The following RASAL2 variants were observed in gnomAD, a reference collection of about 807,000 sequenced individuals.
The protein encoded by RASAL2 is RAS protein activator like 2.
RASAL2 carries 58 observed loss-of-function variants against 128.9 expected under a neutral mutation model. That is an observed-to-expected ratio of 0.45 (90% CI 0.36 to 0.56). RASAL2 has a LOEUF of 0.56. Among genes scored for constraint, RASAL2 ranks in the 20% least tolerant of loss-of-function variants. The pLI, the probability that RASAL2 is intolerant of heterozygous loss-of-function variation, is 0.00. For synonymous variants in RASAL2, 561 were observed against 580.8 expected, an observed-to-expected ratio of 0.97 and a Z score of 0.49; for missense variants, 1,360 against 1,601.6, an observed-to-expected ratio of 0.85 and a Z score of 2.57.
intron 4 of RASAL2, among the ~76,000 whole-genome samples, chr1:178,396,619 A>T (rs529284936): frequency 6.6e-6 from 1 of 152,272 alleles, no homozygotes; most frequent in South Asian, 2.1e-4. Context: ...AATTGCTGGT[A>T]AACAATAATA....
chr1:178,287,701 G>A (rs944063290), intron 2 of RASAL2, among the ~76,000 whole-genome samples: 10 of 152,158 alleles, frequency 6.6e-5, no homozygotes, highest in African/African-American at 2.2e-4. Context: ...AAGCAAACTG[G>A]AAGAAACTGG....
chr1:178,439,966 T>TATCCATCCATCCATCC (rs554884956), intron 6 of RASAL2, among the ~76,000 whole-genome samples: 1 of 104,858 alleles, frequency 9.5e-6, no homozygotes, highest in African/African-American at 6.7e-5. Flanking sequence ...TTTTCTTATT[T>TATCCATCCATCCATCC]ATCCATCCAT....
At chr1:178,121,902 CT>C (rs1030071761) in intron 1 of RASAL2, among the ~76,000 whole-genome samples, 1 of 151,646 alleles carries the variant, frequency 6.6e-6, no homozygotes, top group Non-Finnish European at 1.5e-5. Flanking sequence ...CCTAACCCCA[CT>C]TTTTTTTTCT....
At chr1:178,159,924 C>T (rs12403484) in intron 1 of RASAL2, among the ~76,000 whole-genome samples, 10 of 150,954 alleles carry the variant, frequency 6.6e-5, no homozygotes, top group Admixed American at 2.0e-4. Flanking sequence ...AACAAACAAA[C>T]AAAAAAAACT....
chr1:178,218,821 G>A (rs2101999129), intron 1 of RASAL2, among the ~76,000 whole-genome samples: 1 of 152,350 alleles, frequency 6.6e-6, no homozygotes, highest in East Asian at 1.9e-4. Context: ...AATAGAAAAT[G>A]AGCATTGGCT....
intron 1 of RASAL2, among the ~76,000 whole-genome samples, chr1:178,206,306 C>T (rs1054455557): frequency 6.6e-5 from 10 of 152,164 alleles, no homozygotes; most frequent in African/African-American, 2.4e-4. Flanking sequence ...TTCACCTTCC[C>T]ATCCACTACC....
chr1:178,239,679 A>G (rs116556659), intron 1 of RASAL2, among the ~76,000 whole-genome samples: 3,009 of 152,152 alleles, frequency 0.02, 86 homozygotes, highest in African/African-American at 0.065. Flanking sequence ...TGAGGACACT[A>G]CCTCATGGAC....
At chr1:178,206,459 G>T (rs1370967739) in intron 1 of RASAL2, among the ~76,000 whole-genome samples, 1 of 152,170 alleles carries the variant, frequency 6.6e-6, no homozygotes, top group African/African-American at 2.4e-5. Context: ...ACAACTCTAT[G>T]AGAAAAGTAT....
intron 1 of RASAL2, among the ~76,000 whole-genome samples, chr1:178,140,828 C>T (rs1183759052): frequency 2.0e-5 from 3 of 152,154 alleles, no homozygotes; most frequent in African/African-American, 4.8e-5. Flanking sequence ...CCAGTGTATT[C>T]GGTAATTTTT....
intron 1 of RASAL2, among the ~76,000 whole-genome samples, chr1:178,241,467 G>GGTAATTTAATAT: frequency 6.6e-6 from 1 of 152,074 alleles, no homozygotes; most frequent in East Asian, 1.9e-4. Flanking sequence ...AATTTCCATG[G>GGTAATTTAATAT]GTAAGCTCTT....
At chr1:178,353,481 T>G (rs1024200714) in intron 3 of RASAL2, among the ~76,000 whole-genome samples, 19 of 152,224 alleles carry the variant, frequency 1.2e-4, no homozygotes, top group Admixed American at 1.2e-3. Flanking sequence ...CAGCCTGGAC[T>G]TCACTGTTTA....
intron 1 of RASAL2, among the ~76,000 whole-genome samples, chr1:178,176,498 C>T (rs1019900689): frequency 6.6e-6 from 1 of 151,896 alleles, no homozygotes; most frequent in Non-Finnish European, 1.5e-5. Flanking sequence ...CTCCCATTCT[C>T]ATAGTTCTCT....
At chr1:178,148,517 C>T (rs541027403) in intron 1 of RASAL2, among the ~76,000 whole-genome samples, 33 of 150,434 alleles carry the variant, frequency 2.2e-4, no homozygotes, top group Non-Finnish European at 4.0e-4. Context: ...GGTGTGATCT[C>T]GGCCCACTGC....
chr1:178,320,460 G>T (rs1309768050), intron 3 of RASAL2, among the ~76,000 whole-genome samples: 4 of 152,162 alleles, frequency 2.6e-5, no homozygotes, highest in Non-Finnish European at 4.4e-5. Flanking sequence ...GTGGGCGTAG[G>T]ACCCTCCGAG....
intron 1 of RASAL2, among the ~76,000 whole-genome samples, chr1:178,222,180 G>A (rs1663637987): frequency 6.6e-6 from 1 of 152,002 alleles, no homozygotes; most frequent in Non-Finnish European, 1.5e-5. Context: ...TTTGTTTTGT[G>A]ATTTATTCTA....
chr1:178,473,049 A>C (rs370582207), intron 17 of RASAL2, 26 bp from the exon 18 acceptor site: 382 of 1,612,918 alleles, frequency 2.4e-4, no homozygotes, highest in Non-Finnish European at 3.1e-4. Flanking sequence ...TGTAGCCTGA[A>C]TAAAGCCATG....
intron 1 of RASAL2, among the ~76,000 whole-genome samples, chr1:178,117,571 T>TGG: frequency 6.6e-6 from 1 of 152,244 alleles, no homozygotes. Context: ...TGTTAAGAGG[T>TGG]GGGGCCTTTA....
chr1:178,451,725 T>G lies in RASAL2; in HGVS notation c.1772+10T>G, dbSNP rs768795854. 36 of 1,610,534 alleles carry G rather than the reference T, an allele frequency of 2.2e-5. No individual in the cohort carries two copies. The South Asian group carries it at 3.8e-4, about 17-fold the overall frequency. ...TCATCAACTCTTACTGGTGAGCTTA[T>G]CTTATCCTCTGCCTTACATTTTTTC... On this transcript the variant is annotated intron_variant, in intron 10 of 17. Transcript: ENST00000367649.
intron 9 of RASAL2, among the ~76,000 whole-genome samples, chr1:178,449,527 G>A (rs1677235508): frequency 1.3e-5 from 2 of 151,874 alleles, no homozygotes; most frequent in Admixed American, 1.3e-4. Flanking sequence ...AACTTAACAT[G>A]TAAACAACAT....
Sources: gnomAD v4.1 joint callset for allele counts (sites outside exome capture counted in the v4.1 genomes callset) on GRCh38, gnomAD v4.1.1 for gene constraint, MANE v1.5 for transcripts, NCBI Gene and HGNC (gene_info 2026-07-23, HGNC 2026-07-21) for gene names.